POLR2F: variants seen among roughly 807,000 people sequenced by gnomAD.
POLR2F encodes RNA polymerase II, I and III subunit F.
A neutral mutation model predicts 22.7 loss-of-function variants in POLR2F; 12 were observed. That is an observed-to-expected ratio of 0.53 (90% CI 0.34 to 0.86). The LOEUF is 0.86. POLR2F is among the 40% of genes least tolerant of loss of function. POLR2F has a pLI of 0.02. For synonymous variants in POLR2F, 57 were observed against 66.0 expected (o/e 0.86, Z 0.66); for missense variants, 126 against 171.5 (o/e 0.73, Z 1.48).
chr22:37,982,640 GC>G (rs1202656225), upstream of POLR2F, among the ~76,000 whole-genome samples: 3 of 152,108 alleles, frequency 2.0e-5, no homozygotes, highest in Non-Finnish European at 4.4e-5. Context: ...TTGGGGTGGG[GC>G]CCTGGCAGGG....
downstream of POLR2F, among the ~76,000 whole-genome samples, chr22:38,030,194 T>C (rs1442915529): frequency 1.3e-5 from 2 of 152,118 alleles, no homozygotes; most frequent in Admixed American, 1.3e-4. Flanking sequence ...TCAATGGATT[T>C]TGAGCAAGAA....
downstream of POLR2F, chr22:38,041,422 A>T: frequency 9.0e-6 from 3 of 333,848 alleles, no homozygotes; most frequent in Non-Finnish European, 1.7e-5. Context: ...GATGGAGGGG[A>T]GGGCGGAATG....
chr22:38,013,893 C>T (rs1348678007), intron 1 of POLR2F, among the ~76,000 whole-genome samples: 9 of 152,168 alleles, frequency 5.9e-5, no homozygotes, highest in African/African-American at 1.2e-4. Flanking sequence ...GAGGCTGAGG[C>T]GGGCGGATCA....
In POLR2F at chr22:38,023,176, G is replaced by A. The variant is rs1265133749; in HGVS notation, c.121-2693G>A. On this transcript the variant is annotated intron_variant, in intron 1 of 2. Transcript: ENST00000333418. Reference sequence around the variant, plus strand: ...ACTGGGAGGAGGGTGCCTCCAGAGTGGTTTTCCCAGACAGCAGTGGGGTCT... The same window carrying A: ...ACTGGGAGGAGGGTGCCTCCAGAGTAGTTTTCCCAGACAGCAGTGGGGTCT... 3.3e-5 allele frequency among the ~76,000 whole-genome samples: 5 copies of A among 152,174 alleles called. No homozygotes were observed. In the South Asian group the frequency reaches 6.2e-4, roughly 19 times the overall value.
rs971579485 is a variant in POLR2F, at chr22:37,968,922, A to G, written c.*1207A>G. The G allele has an allele frequency of 1.0e-6, 1 of 985,206 alleles. No homozygotes were observed. Among genetic ancestry groups the G allele is most frequent in the South Asian group, 4.7e-5 (1 of 21,272 alleles). 61.0% of individuals were successfully genotyped at this position (985,206 alleles called of 1,614,324 possible). A position where few individuals can be genotyped will look rare whatever the true frequency, so the allele number is the denominator to read the frequency against. On this transcript the variant is annotated 3_prime_UTR_variant, in exon 5 of 5. Coordinates refer to ENST00000442738, the MANE Select transcript of POLR2F (RefSeq NM_021974.5). Reference sequence around the variant, plus strand: ...TAATTCAGGGAGCAGTGGACTTCACACTCCCATCCACCCTCCTCCAAGCCT... The same window carrying G: ...TAATTCAGGGAGCAGTGGACTTCACGCTCCCATCCACCCTCCTCCAAGCCT...
chr22:37,968,486 A>C lies in POLR2F; in HGVS notation c.*771A>C. The C allele has an allele frequency of 1.0e-6, 1 of 985,972 alleles. No homozygotes were observed. Among genetic ancestry groups the C allele is most frequent in the Non-Finnish European group, 1.2e-6 (1 of 830,390 alleles). The allele number at this position is 985,972 out of a possible 1,614,324, so 61.1% of individuals were successfully genotyped here. On this transcript the variant is annotated 3_prime_UTR_variant, in exon 5 of 5. Transcript: ENST00000442738. Reference sequence around the variant, plus strand: ...GGTGATCCCCTGAGGCCTTGGGGACATGGTGCTGGGGTGGTGGTGCTCCTG... The same window carrying C: ...GGTGATCCCCTGAGGCCTTGGGGACCTGGTGCTGGGGTGGTGGTGCTCCTG...
Position 37,986,232 on chromosome 22 carries a change from G to A in POLR2F, c.42G>A (p.Ser14=), listed in dbSNP as rs1267585645. Residue 14 remains serine, a synonymous_variant, in exon 1 of 3, where the codon TCG becomes TCA. Transcript: ENST00000333418. The surrounding 1 kb of genome is among the most constrained non-coding windows in gnomAD (Gnocchi z 4.7). ...GGACGAGGGACGAGCATCTGCCGTC[G>A]TGTCCCGGCTGCCCTGCAGTCGCCT... 9.7e-6 allele frequency: 15 copies of A among 1,541,052 alleles called. No homozygotes were observed. The highest frequency in any genetic ancestry group is 1.4e-5 in the African/African-American group (1 of 73,020).
chr22:37,991,996 C>T (rs1932737144), intron 1 of POLR2F, among the ~76,000 whole-genome samples: 1 of 152,172 alleles, frequency 6.6e-6, no homozygotes, highest in African/African-American at 2.4e-5. Flanking sequence ...AAGGAATGAG[C>T]ATGCGCTCCT....
chr22:38,027,187 C>T (rs2085020994), downstream of POLR2F, among the ~76,000 whole-genome samples: 1 of 152,160 alleles, frequency 6.6e-6, no homozygotes, highest in Admixed American at 6.5e-5. Context: ...TCCATTCATT[C>T]GTTCATTCAT....
chr22:38,016,983 G>A lies in POLR2F; in HGVS notation c.121-8886G>A, dbSNP rs191678610. Reference sequence around the variant, plus strand: ...GATGGAGCCAGGCCGGGGTGCCGGGGGGCAGCGCAAGGGGCCAGCCAGCCC... The same window carrying A: ...GATGGAGCCAGGCCGGGGTGCCGGGAGGCAGCGCAAGGGGCCAGCCAGCCC... On this transcript the variant is annotated intron_variant, in intron 1 of 2. Coordinates refer to the POLR2F transcript ENST00000333418. The surrounding 1 kb of genome is among the most constrained non-coding windows in gnomAD (Gnocchi z 4.4). 1.4e-4 allele frequency among the ~76,000 whole-genome samples: 21 copies of A among 152,262 alleles called. No individual in the cohort carries two copies. The highest frequency in any genetic ancestry group is 5.1e-4 in the African/African-American group (21 of 41,558).
intron 5 of POLR2F, among the ~76,000 whole-genome samples, chr22:38,034,798 G>A (rs907823109): frequency 3.3e-5 from 5 of 152,192 alleles, no homozygotes; most frequent in Non-Finnish European, 7.3e-5. Flanking sequence ...GCGCACTGGA[G>A]GTGGGGGCAG....
Position 37,974,344 on chromosome 22 carries a change from C to T in POLR2F, c.293+7174C>T, listed in dbSNP as rs1160203520. ...AGTTTCACATTTTGGCAGCATGAGTCGGGTTTTTTTTTGTTTTTTTTTTTT... is the reference window on the plus strand; with the variant it reads ...AGTTTCACATTTTGGCAGCATGAGTTGGGTTTTTTTTTGTTTTTTTTTTTT... On this transcript the variant is annotated intron_variant, in intron 4 of 4. Coordinates refer to the POLR2F transcript ENST00000405557. This position sits in a 1 kb window ranked among gnomAD's most constrained non-coding sequence, Gnocchi z 5.4. The T allele has an allele frequency of 7.9e-5, 48 of 610,002 alleles. 1 individual carries two copies. Among genetic ancestry groups the T allele is most frequent in the South Asian group, 4.2e-4 (20 of 48,014 alleles). 37.8% of individuals were successfully genotyped at this position (610,002 alleles called of 1,614,324 possible).
chr22:38,006,418 T>C (rs992305314), intron 1 of POLR2F, among the ~76,000 whole-genome samples: 3 of 152,000 alleles, frequency 2.0e-5, no homozygotes, highest in East Asian at 3.9e-4. Context: ...ACCCAGCCCA[T>C]AGCAAGGGCC....
At chr22:38,005,592 A>G (rs908128177) in intron 1 of POLR2F, among the ~76,000 whole-genome samples, 4 of 152,238 alleles carry the variant, frequency 2.6e-5, no homozygotes, top group African/African-American at 9.6e-5. Flanking sequence ...CCCACCAGCA[A>G]AACATTACGA....
In POLR2F at chr22:37,974,326, C is replaced by A; in HGVS notation, c.293+7156C>A. 2 of 675,992 alleles carry A rather than the reference C, an allele frequency of 3.0e-6. No individual in the cohort carries two copies. The highest frequency in any genetic ancestry group is 5.0e-6 in the Non-Finnish European group (2 of 396,930). 41.9% of individuals were successfully genotyped at this position (675,992 alleles called of 1,614,324 possible). A position where few individuals can be genotyped will look rare whatever the true frequency, so the allele number is the denominator to read the frequency against. On this transcript the variant is annotated intron_variant, in intron 4 of 4. Transcript: ENST00000405557. The surrounding 1 kb of genome is among the most constrained non-coding windows in gnomAD (Gnocchi z 5.4). ...CTCTGGGAAAACCTTGTAAGTTTCA[C>A]ATTTTGGCAGCATGAGTCGGGTTTT... is the stretch of plus-strand genomic sequence containing the variant.
intron 1 of POLR2F, among the ~76,000 whole-genome samples, chr22:37,989,569 C>G (rs1932678700): frequency 6.6e-6 from 1 of 152,324 alleles, no homozygotes; most frequent in South Asian, 2.1e-4. Context: ...CTAGGGCCTC[C>G]CCAGGTGCCG....
intron 1 of POLR2F, among the ~76,000 whole-genome samples, chr22:38,020,555 C>T (rs2084952868): frequency 6.6e-6 from 1 of 151,604 alleles, no homozygotes; most frequent in Admixed American, 6.6e-5. Context: ...CAGGCATAAG[C>T]CACCATGCCC....
At position 37,978,101 on chromosome 22, in the gene POLR2F, C is replaced by T. The variant is rs1932279377; in HGVS notation, c.293+10931C>T. ...TGCATACGGAGCCGCTCAGCCTCCT[C>T]GATGAAGGGGCGCTTGTCACTTTCG... is the stretch of plus-strand genomic sequence containing the variant. On this transcript the variant is annotated intron_variant, in intron 4 of 4. Transcript: ENST00000405557. The surrounding 1 kb of genome is among the most constrained non-coding windows in gnomAD (Gnocchi z 5.0). The T allele has an allele frequency of 1.9e-6, 3 of 1,588,810 alleles. No homozygotes were observed. The highest frequency in any genetic ancestry group is 2.6e-6 in the Non-Finnish European group (3 of 1,166,166).
rs1932283019 is a variant in POLR2F, at chr22:37,978,193, A to C, written c.293+11023A>C. 1.4e-6 allele frequency: 2 copies of C among 1,454,488 alleles called. No homozygotes were observed. The highest frequency in any genetic ancestry group is 2.8e-5 in the South Asian group (2 of 71,000). 90.1% of individuals were successfully genotyped at this position (1,454,488 alleles called of 1,614,324 possible). On this transcript the variant is annotated intron_variant, in intron 4 of 4. Coordinates refer to the POLR2F transcript ENST00000405557. This position sits in a 1 kb window ranked among gnomAD's most constrained non-coding sequence, Gnocchi z 5.0. ...GAGGGGCTGGCGTGAATGCCAGAGC[A>C]CTCCAGGTTGGCCTCCCTCTGAGTG...
Sources: gnomAD v4.1 joint callset for allele counts (sites outside exome capture counted in the v4.1 genomes callset) on GRCh38, gnomAD v4.1.1 for gene constraint, Gnocchi (gnomAD v3.1) non-coding constraint, MANE v1.5 for transcripts, NCBI Gene and HGNC (gene_info 2026-07-23, HGNC 2026-07-21) for gene names.